Variants in NRBP2 observed in about 807,000 individuals in gnomAD.
NRBP2 encodes the protein nuclear receptor-binding protein 2.
A neutral mutation model predicts 74.4 loss-of-function variants in NRBP2; 47 were observed. The ratio of observed to expected loss-of-function variants is 0.63; its 90% CI spans 0.50 to 0.81. The LOEUF (loss-of-function observed/expected upper bound fraction) is 0.81. Ranked by LOEUF, NRBP2 falls within the 30% of genes least tolerant of loss-of-function variation. The probability of loss-of-function intolerance (pLI) is 0.00; values close to 1 mark genes in which losing one functional copy is unlikely to be tolerated. For missense variants in NRBP2, 613 were observed against 690.1 expected, an observed-to-expected ratio of 0.89 and a Z score of 1.25; for synonymous variants, 312 against 273.8, an observed-to-expected ratio of 1.14 and a Z score of -1.38.
At chr8:143,838,991 G>C in intron 8 of NRBP2, 26 bp downstream of exon 8, 1 of 1,557,284 alleles carries the variant, frequency 6.4e-7, no homozygotes, top group Non-Finnish European at 8.7e-7. Context: ...GGTAGGCACG[G>C]GGCACCCGGA....
intron 10 of NRBP2, 108 bp downstream of exon 10, chr8:143,838,572 C>A (rs1433444326): frequency 1.3e-6 from 1 of 792,966 alleles, no homozygotes; most frequent in Non-Finnish European, 2.1e-6. Flanking sequence ...GCTGGTATAC[C>A]CCTCAACTGC....
rs543881516 is a variant in NRBP2 at position 143,837,242 on chromosome 8, T to C, written c.1127+7A>G. On this transcript the variant is annotated splice_region_variant and intron_variant, in intron 13 of 17. Coordinates refer to ENST00000442628, the MANE Select transcript of NRBP2 (RefSeq NM_178564.4). The surrounding 1 kb of genome is among the most constrained non-coding windows in gnomAD (Gnocchi z 4.3). ...TGCCTGGCCCCCAACCTTACATCAG[T>C]TCTCACCTGACATCCTCCAGGAATT... The C allele has an allele frequency of 2.3e-4, 379 of 1,613,876 alleles. 3 individuals carry two copies. The South Asian group carries it at 3.6e-3, about 15-fold the overall frequency.
chr8:143,835,797 C>T lies in NRBP2; in HGVS notation c.1437+23G>A. ...TGCCCCGTGCGCCCCCTCCGCCAGG[C>T]CGCGCCGCACCGCCCAGCGCACCTC... is the stretch of plus-strand genomic sequence containing the variant. On this transcript the variant is annotated intron_variant, in intron 17 of 17. Transcript: ENST00000442628. This position sits in a 1 kb window ranked among gnomAD's most constrained non-coding sequence, Gnocchi z 4.9. 1.3e-6 allele frequency: 2 copies of T among 1,599,550 alleles called. No individual in the cohort carries two copies. Among genetic ancestry groups the T allele is most frequent in the Non-Finnish European group, 1.7e-6 (2 of 1,173,644 alleles).
In NRBP2 at chr8:143,833,684, GATAAAA is replaced by G. The variant is rs1554650732; in HGVS notation, c.*1972_*1977del. ...AACAATACATATATAATTCTGAAAA[GATAAAA>G]TTTAAAAGGAAAAATTCAACAGAGA... On this transcript the variant is annotated 3_prime_UTR_variant, in exon 18 of 18. Transcript: ENST00000442628. 1.3e-5 allele frequency: 2 copies of G among 152,152 alleles called. No homozygotes were observed. The highest frequency in any genetic ancestry group is 3.9e-4 in the East Asian group (2 of 5,184). The allele number at this position is 152,152 out of a possible 1,614,324, so 9.4% of individuals were successfully genotyped here. A position where few individuals can be genotyped will look rare whatever the true frequency, so the allele number is the denominator to read the frequency against.
rs1429971568 is a variant in NRBP2, at chr8:143,840,372, G to T, written c.130-143C>A. ...CTCTGCGGGAAGGTGGGGCTTGGAG[G>T]GTAGCTGCCCCCAGGAGCCAAGGGC... On this transcript the variant is annotated intron_variant, in intron 1 of 17. Transcript: ENST00000442628. This position sits in a 1 kb window ranked among gnomAD's most constrained non-coding sequence, Gnocchi z 5.7. The T allele has an allele frequency of 1.7e-6, 2 of 1,150,090 alleles. No individual in the cohort carries two copies. Among genetic ancestry groups the T allele is most frequent in the Non-Finnish European group, 2.4e-6 (2 of 833,662 alleles). 71.2% of individuals were successfully genotyped at this position (1,150,090 alleles called of 1,614,324 possible).
At position 143,835,463 on chromosome 8, in the gene NRBP2, TC is replaced by T. The variant is rs1325622809; in HGVS notation, c.*198del. On this transcript the variant is annotated 3_prime_UTR_variant, in exon 18 of 18. Transcript: ENST00000442628. This position sits in a 1 kb window ranked among gnomAD's most constrained non-coding sequence, Gnocchi z 4.9. ...CTAAGGACCTGGGAGGCCTAACGGCTCCCCCACACCCACCCCCCAACCCCTC... is the reference window on the plus strand; with the variant it reads ...CTAAGGACCTGGGAGGCCTAACGGCTCCCCACACCCACCCCCCAACCCCTC... The T allele has an allele frequency of 6.1e-6, 4 of 655,298 alleles. No individual in the cohort carries two copies. The highest frequency in any genetic ancestry group is 5.0e-5 in the Admixed American group (2 of 40,274). The allele number at this position is 655,298 out of a possible 1,614,324, so 40.6% of individuals were successfully genotyped here.
Position 143,837,664 on chromosome 8 carries a change from G to A in NRBP2, c.932C>T (p.Ser311Leu), listed in dbSNP as rs782292682. 6.3e-6 allele frequency: 10 copies of A among 1,594,986 alleles called. No individual in the cohort carries two copies. Among genetic ancestry groups the A allele is most frequent in the South Asian group, 3.4e-5 (3 of 87,828 alleles). ...LFHRVLFEVH[S>L]LKLLAAHCFI... ...GCAGTGGGCTGCCAGGAGCTTCAGC[G>A]AGTGCACCTCGAAGAGCACGCGGTG... is the stretch of plus-strand genomic sequence containing the variant. The change falls in exon 11 of 18, where the codon TCG (serine) becomes TTG (leucine). Residue 311 changes from serine to leucine, a missense_variant. Physicochemically the swap from Ser to Leu is moderately radical, Grantham distance 145. Transcript: ENST00000442628. This position sits in a 1 kb window ranked among gnomAD's most constrained non-coding sequence, Gnocchi z 4.3.
chr8:143,835,607 A>C lies in NRBP2; in HGVS notation c.*55T>G, dbSNP rs782418608. The C allele has an allele frequency of 1.4e-6, 2 of 1,456,014 alleles. No individual in the cohort carries two copies. Among genetic ancestry groups the C allele is most frequent in the South Asian group, 1.3e-5 (1 of 74,936 alleles). 90.2% of individuals were successfully genotyped at this position (1,456,014 alleles called of 1,614,324 possible). Reference sequence around the variant, plus strand: ...GCCCCACGGTGCTGGAGTCTCCCCAACATGGCCTGCCCAGGCAGCACCCCG... The same window carrying C: ...GCCCCACGGTGCTGGAGTCTCCCCACCATGGCCTGCCCAGGCAGCACCCCG... On this transcript the variant is annotated 3_prime_UTR_variant, in exon 18 of 18. Transcript: ENST00000442628. This position sits in a 1 kb window ranked among gnomAD's most constrained non-coding sequence, Gnocchi z 4.9.
rs151305147 is a variant in NRBP2 at position 143,838,628 on chromosome 8, C to A, written c.840+52G>T. On this transcript the variant is annotated intron_variant, in intron 10 of 17. Transcript: ENST00000442628. Reference sequence around the variant, plus strand: ...AGGTCTGCCTGGAGCACCTTGCTAGCCCTAGCTGAGCACGGTGAGCCAGCT... The same window carrying A: ...AGGTCTGCCTGGAGCACCTTGCTAGACCTAGCTGAGCACGGTGAGCCAGCT... 4,757 of 1,375,806 alleles carry A rather than the reference C, an allele frequency of 3.5e-3. 15 individuals are homozygous for A. Among genetic ancestry groups the A allele is most frequent in the Non-Finnish European group, 4.1e-3 (4,050 of 985,918 alleles). 85.2% of individuals were successfully genotyped at this position (1,375,806 alleles called of 1,614,324 possible). A position where few individuals can be genotyped will look rare whatever the true frequency, so the allele number is the denominator to read the frequency against.
chr8:143,840,678 C>T lies in NRBP2; in HGVS notation c.129+28G>A. The T allele has an allele frequency of 6.9e-7, 1 of 1,457,136 alleles. No homozygotes were observed. Among genetic ancestry groups the T allele is most frequent in the Middle Eastern group, 2.0e-4 (1 of 5,018 alleles). The allele number at this position is 1,457,136 out of a possible 1,614,324, so 90.3% of individuals were successfully genotyped here. A position where few individuals can be genotyped will look rare whatever the true frequency, so the allele number is the denominator to read the frequency against. ...CCCTCCCGCTCTGGGAGGGCGGTGT[C>T]ACCCCGTGCCCCAACCCCCGCGCCC... On this transcript the variant is annotated intron_variant, in intron 1 of 17. Coordinates refer to ENST00000442628, the MANE Select transcript of NRBP2 (RefSeq NM_178564.4). This position sits in a 1 kb window ranked among gnomAD's most constrained non-coding sequence, Gnocchi z 5.7.
At chr8:143,838,967 G>C (rs996684011) in intron 8 of NRBP2, 29 bp from the exon 9 acceptor site, 6 of 1,581,252 alleles carry the variant, frequency 3.8e-6, no homozygotes, top group Admixed American at 1.8e-5. Context: ...AGGACACGTA[G>C]GAGAGAAGCG....
At chr8:143,836,056 G>T in intron 15 of NRBP2, 26 bp from the exon 16 acceptor site, 1 of 1,565,390 alleles carries the variant, frequency 6.4e-7, no homozygotes, top group Non-Finnish European at 8.6e-7. Context: ...GGCGTGGTCG[G>T]CTGGGGGTTC....
downstream of NRBP2, chr8:143,833,527 A>T (rs1004995207): frequency 2.6e-5 from 4 of 152,158 alleles, no homozygotes; most frequent in Admixed American, 2.6e-4. Context: ...AAGCATGCTC[A>T]TGGTTTTGAA....
intron 14 of NRBP2, 115 bp from the exon 15 acceptor site, chr8:143,836,295 G>T: frequency 7.3e-7 from 1 of 1,371,294 alleles, no homozygotes; most frequent in Non-Finnish European, 9.5e-7. Flanking sequence ...TCTAAGAGGA[G>T]CCCATCTCAC....
rs1554653481 is a variant in NRBP2, at chr8:143,840,625, G to A, written c.129+81C>T. 1.6e-6 allele frequency: 2 copies of A among 1,268,388 alleles called. No individual in the cohort carries two copies. Among genetic ancestry groups the A allele is most frequent in the Non-Finnish European group, 2.1e-6 (2 of 970,094 alleles). 78.6% of individuals were successfully genotyped at this position (1,268,388 alleles called of 1,614,324 possible). A position where few individuals can be genotyped will look rare whatever the true frequency, so the allele number is the denominator to read the frequency against. The stretch of plus-strand genomic sequence containing the variant: ...TTTCCAGCCGCCGCGCTCTCCCAGC[G>A]CCCCCACGCCCCGCGCAGCCTCCAG... On this transcript the variant is annotated intron_variant, in intron 1 of 17. Coordinates refer to ENST00000442628, the MANE Select transcript of NRBP2 (RefSeq NM_178564.4). The surrounding 1 kb of genome is among the most constrained non-coding windows in gnomAD (Gnocchi z 5.7).
downstream of NRBP2, among the ~76,000 whole-genome samples, chr8:143,831,426 G>A (rs892820802): frequency 2.0e-4 from 30 of 152,260 alleles, no homozygotes; most frequent in African/African-American, 7.2e-4. Flanking sequence ...GACCAGCTTG[G>A]GCAATATAGT....
Position 143,835,944 on chromosome 8 carries a change from C to A in NRBP2, c.1381+23G>T. 6.3e-7 allele frequency: 1 copy of A among 1,593,046 alleles called. No homozygotes were observed. The highest frequency in any genetic ancestry group is 1.1e-5 in the South Asian group (1 of 89,292). Reference sequence around the variant, plus strand: ...CGCCGCCTGGGGTCACCGCCCGCCGCCCAAGTCCCCTGCCCAGCCTACTTG... The same window carrying A: ...CGCCGCCTGGGGTCACCGCCCGCCGACCAAGTCCCCTGCCCAGCCTACTTG... On this transcript the variant is annotated intron_variant, in intron 16 of 17. Transcript: ENST00000442628. The surrounding 1 kb of genome is among the most constrained non-coding windows in gnomAD (Gnocchi z 4.9).
chr8:143,836,097 G>A (rs1288996599), intron 15 of NRBP2, 30 bp downstream of exon 15: 83 of 1,595,728 alleles, frequency 5.2e-5, no homozygotes, highest in Middle Eastern at 1.7e-4. Context: ...CCTTCCCCAC[G>A]GCAGCGCCGC....
rs889619121 is a variant in NRBP2, at chr8:143,840,418, A to G, written c.130-189T>C. The G allele has an allele frequency of 1.2e-5, 10 of 804,218 alleles. No individual in the cohort carries two copies. In the East Asian group the frequency reaches 2.4e-4, roughly 20 times the overall value. 49.8% of individuals were successfully genotyped at this position (804,218 alleles called of 1,614,324 possible). A position where few individuals can be genotyped will look rare whatever the true frequency, so the allele number is the denominator to read the frequency against. On this transcript the variant is annotated intron_variant, in intron 1 of 17. Transcript: ENST00000442628. The surrounding 1 kb of genome is among the most constrained non-coding windows in gnomAD (Gnocchi z 5.7). ...AGGGCTCCTATCCAAGGGCTGGGCT[A>G]AGGGGATTTGGAGCAGGTTTCAGGG...
Sources: allele counts gnomAD v4.1 joint callset (sites outside exome capture counted in the v4.1 genomes callset), GRCh38; gene constraint gnomAD v4.1.1; non-coding constraint Gnocchi (gnomAD v3.1); transcripts MANE v1.5; gene names NCBI Gene and HGNC (gene_info 2026-07-23, HGNC 2026-07-21).